The following IQCM variants were observed in gnomAD, a reference collection of about 807,000 sequenced individuals.
The protein encoded by IQCM is IQ domain-containing protein M.
A neutral mutation model predicts 57.6 loss-of-function variants in IQCM; 45 were observed. The observed-to-expected ratio is 0.78, with a 90% confidence interval of 0.62 to 1.00. The LOEUF (loss-of-function observed/expected upper bound fraction) is 1.00. Among genes scored for constraint, IQCM ranks in the 50% least tolerant of loss-of-function variants. IQCM has a pLI of 0.00. For synonymous variants in IQCM, 148 were observed against 158.9 expected, an observed-to-expected ratio of 0.93 and a Z score of 0.51; for missense variants, 468 against 511.6, an observed-to-expected ratio of 0.91 and a Z score of 0.82.
chr4:149,645,429 C>G (rs2150123144), intron 7 of IQCM, among the ~76,000 whole-genome samples: 1 of 152,206 alleles, frequency 6.6e-6, no homozygotes, highest in Admixed American at 6.5e-5. Flanking sequence ...AAATTTCATG[C>G]AGAAAATTGA....
intron 2 of IQCM, among the ~76,000 whole-genome samples, chr4:149,745,182 A>C (rs1234396422): frequency 6.6e-6 from 1 of 152,158 alleles, no homozygotes; most frequent in Non-Finnish European, 1.5e-5. Flanking sequence ...AAGCAAAGGC[A>C]TGGAGGTGAG....
At chr4:149,425,262 C>T (rs1189737498) in intron 13 of IQCM, among the ~76,000 whole-genome samples, 2 of 151,766 alleles carry the variant, frequency 1.3e-5, no homozygotes, top group African/African-American at 2.4e-5. Flanking sequence ...GGAACAGATC[C>T]AATAGGCTAT....
chr4:149,706,060 G>A (rs192972322), intron 5 of IQCM, among the ~76,000 whole-genome samples: 2 of 151,910 alleles, frequency 1.3e-5, no homozygotes, highest in Admixed American at 6.6e-5. Context: ...TGCTTTCATT[G>A]CAAAATAGGA....
intron 12 of IQCM, among the ~76,000 whole-genome samples, chr4:149,508,350 G>A (rs1002779645): frequency 6.6e-6 from 1 of 152,110 alleles, no homozygotes; most frequent in African/African-American, 2.4e-5. Context: ...GACACTCAAT[G>A]CCAGCCCATG....
chr4:149,643,273 C>T (rs1211106560), intron 7 of IQCM, among the ~76,000 whole-genome samples: 1 of 152,082 alleles, frequency 6.6e-6, no homozygotes, highest in Non-Finnish European at 1.5e-5. Flanking sequence ...CAGGCATGTA[C>T]CAAGTGTTGA....
intron 9 of IQCM, among the ~76,000 whole-genome samples, chr4:149,571,194 G>A (rs115554808): frequency 0.03 from 4,561 of 152,058 alleles, 107 homozygotes; most frequent in Middle Eastern, 0.054. Context: ...CTGCACCACC[G>A]TGCTCACTGC....
chr4:149,609,692 A>C (rs1755107941), intron 8 of IQCM, among the ~76,000 whole-genome samples: 1 of 151,960 alleles, frequency 6.6e-6, no homozygotes, highest in Non-Finnish European at 1.5e-5. Flanking sequence ...GCATCCCTTT[A>C]TGATAAAAAC....
chr4:149,707,462 C>G lies in IQCM; in HGVS notation c.386-20994G>C, dbSNP rs75047051. The stretch of plus-strand genomic sequence containing the variant: ...CCCTGAAATCATACTGGGTCTGCCA[C>G]GAATGTGAGGCTCTGGACACTCTTT... On this transcript the variant is annotated intron_variant, in intron 5 of 13. Coordinates refer to ENST00000636793, the MANE Select transcript of IQCM (RefSeq NM_001363507.2). Among the ~76,000 whole-genome samples, 98 of 152,070 alleles carry G rather than the reference C, an allele frequency of 6.4e-4. 1 individual carries two copies. In the East Asian group the frequency reaches 0.018, roughly 29 times the overall value.
At chr4:149,812,649 CATT>C (rs972089922) in intron 2 of IQCM, among the ~76,000 whole-genome samples, 245 of 152,144 alleles carry the variant, frequency 1.6e-3, no homozygotes, top group African/African-American at 5.6e-3. Flanking sequence ...GCTATCATAT[CATT>C]ATTGTTAATA....
chr4:149,502,239 T>A (rs1382155344), intron 12 of IQCM, among the ~76,000 whole-genome samples: 1 of 151,978 alleles, frequency 6.6e-6, no homozygotes, highest in East Asian at 1.9e-4. Context: ...AAATTGTAAA[T>A]CTGTCAATTT....
chr4:149,534,846 A>G (rs1747126733), intron 12 of IQCM, among the ~76,000 whole-genome samples: 1 of 152,118 alleles, frequency 6.6e-6, no homozygotes, highest in Admixed American at 6.6e-5. Context: ...TCTAGAGGTA[A>G]CCTTTTTAAA....
chr4:149,494,966 A>T (rs1380279476), intron 12 of IQCM, among the ~76,000 whole-genome samples: 5 of 152,042 alleles, frequency 3.3e-5, no homozygotes, highest in African/African-American at 1.2e-4. Flanking sequence ...CTGTAGTAAG[A>T]GTTATGGTCT....
intron 12 of IQCM, among the ~76,000 whole-genome samples, chr4:149,440,803 T>G (rs1735866440): frequency 1.3e-5 from 2 of 152,134 alleles, no homozygotes; most frequent in Non-Finnish European, 2.9e-5. Flanking sequence ...ATTGAGCCAT[T>G]CTTTAACTTT....
intron 7 of IQCM, among the ~76,000 whole-genome samples, chr4:149,657,631 A>G (rs768455397): frequency 2.0e-5 from 3 of 152,160 alleles, no homozygotes; most frequent in Non-Finnish European, 4.4e-5. Context: ...CTAGCAGTAT[A>G]TAAGTGTTTC....
intron 10 of IQCM, among the ~76,000 whole-genome samples, chr4:149,557,663 C>T (rs1049172005): frequency 7.9e-5 from 12 of 152,124 alleles, no homozygotes; most frequent in African/African-American, 2.9e-4. Context: ...ACCCCAACTT[C>T]CCACCGGCAA....
chr4:149,587,181 C>T (rs1483765520), intron 9 of IQCM, among the ~76,000 whole-genome samples: 1 of 151,684 alleles, frequency 6.6e-6, no homozygotes, highest in Non-Finnish European at 1.5e-5. Context: ...CACTGCATGA[C>T]GTTGGAAAAG....
chr4:149,780,800 G>C (rs1199299283), intron 2 of IQCM, among the ~76,000 whole-genome samples: 1 of 151,964 alleles, frequency 6.6e-6, no homozygotes, highest in Non-Finnish European at 1.5e-5. Flanking sequence ...GTTGCACATG[G>C]GGCTAGATTA....
At chr4:149,571,895 C>T (rs1441033221) in intron 9 of IQCM, among the ~76,000 whole-genome samples, 1 of 151,986 alleles carries the variant, frequency 6.6e-6, no homozygotes, top group African/African-American at 2.4e-5. Context: ...TTAGCTTCCT[C>T]CATAATGCAT....
intron 6 of IQCM, among the ~76,000 whole-genome samples, chr4:149,684,932 A>C (rs1762443543): frequency 6.6e-6 from 1 of 151,390 alleles, no homozygotes; most frequent in African/African-American, 2.4e-5. Context: ...CTGGAAGTAC[A>C]TGCACTTGCT....
Sources: gnomAD v4.1 joint callset for allele counts (sites outside exome capture counted in the v4.1 genomes callset) on GRCh38, gnomAD v4.1.1 for gene constraint, MANE v1.5 for transcripts, NCBI Gene and HGNC (gene_info 2026-07-23, HGNC 2026-07-21) for gene names.